Variants in PLD5 observed in about 807,000 individuals in gnomAD.
The protein encoded by PLD5 is phospholipase D family member 5.
In PLD5, 36 loss-of-function variants were observed where a neutral mutation model predicts 61.1. That is an observed-to-expected ratio of 0.59 (90% confidence interval 0.45 to 0.78). The LOEUF is 0.78. Among genes scored for constraint, PLD5 ranks in the 30% least tolerant of loss-of-function variants. The pLI, the probability that PLD5 is intolerant of heterozygous loss-of-function variation, is 0.00. For missense variants in PLD5, 515 were observed against 644.4 expected, an observed-to-expected ratio of 0.80 and a Z score of 2.17; for synonymous variants, 243 against 242.8, an observed-to-expected ratio of 1.00 and a Z score of -0.01.
chr1:242,399,891 T>G (rs987790506), intron 1 of PLD5, among the ~76,000 whole-genome samples: 1 of 152,078 alleles, frequency 6.6e-6, no homozygotes, highest in Non-Finnish European at 1.5e-5. Context: ...ATTCTAGGCC[T>G]GGCGTGGTGG....
intron 3 of PLD5, among the ~76,000 whole-genome samples, chr1:242,284,032 TTCA>T (rs902013094): frequency 6.6e-6 from 1 of 150,808 alleles, no homozygotes; most frequent in Non-Finnish European, 1.5e-5. Context: ...TTCTCCATTC[TTCA>T]TCACTTCACA....
intron 1 of PLD5, among the ~76,000 whole-genome samples, chr1:242,446,376 T>C (rs915199096): frequency 6.6e-6 from 1 of 151,960 alleles, no homozygotes; most frequent in African/African-American, 2.4e-5. Context: ...TCGAGGCCAA[T>C]CTGACCAACA....
intron 5 of PLD5, among the ~76,000 whole-genome samples, chr1:242,212,410 G>A (rs1350006475): frequency 6.6e-6 from 1 of 152,214 alleles, no homozygotes; most frequent in Non-Finnish European, 1.5e-5. Context: ...AGAGCTGCGC[G>A]ACCATGCGAG....
At chr1:242,183,786 G>T (rs183937687) in intron 5 of PLD5, among the ~76,000 whole-genome samples, 1 of 118,304 alleles carries the variant, frequency 8.5e-6, no homozygotes, top group Non-Finnish European at 1.7e-5. Context: ...CCCAGCTACT[G>T]GGGAGGTCTG....
chr1:242,249,004 C>A (rs565348970), intron 4 of PLD5, among the ~76,000 whole-genome samples: 1 of 152,046 alleles, frequency 6.6e-6, no homozygotes, highest in Non-Finnish European at 1.5e-5. Flanking sequence ...AAAAATTAGC[C>A]GGGTGTGGTG....
intron 5 of PLD5, among the ~76,000 whole-genome samples, chr1:242,139,277 C>T (rs947680862): frequency 1.3e-5 from 2 of 151,494 alleles, no homozygotes; most frequent in Non-Finnish European, 2.9e-5. Flanking sequence ...TTTTCTTTTT[C>T]AATTAGTAGC....
intron 2 of PLD5, among the ~76,000 whole-genome samples, chr1:242,334,948 T>G (rs1659414445): frequency 6.6e-6 from 1 of 152,218 alleles, no homozygotes. Context: ...TGTCTTGTTA[T>G]TTCTCCGCAA....
chr1:242,367,579 C>A (rs148193702), intron 1 of PLD5, among the ~76,000 whole-genome samples: 1 of 152,212 alleles, frequency 6.6e-6, no homozygotes, highest in Non-Finnish European at 1.5e-5. Context: ...CAGCAGCATA[C>A]TCAGTCTCTC....
At chr1:242,287,427 A>G (rs1281823987) in intron 3 of PLD5, among the ~76,000 whole-genome samples, 1 of 152,210 alleles carries the variant, frequency 6.6e-6, no homozygotes, top group Admixed American at 6.5e-5. Flanking sequence ...AGTGTAGAAC[A>G]CAGTTAGTAA....
intron 1 of PLD5, among the ~76,000 whole-genome samples, chr1:242,437,227 C>G (rs564348106): frequency 1.3e-5 from 2 of 152,132 alleles, no homozygotes; most frequent in Admixed American, 1.3e-4. Context: ...ACATTTAAAT[C>G]GAAAGTAACT....
At chr1:242,357,877 G>A (rs1485624227) in intron 1 of PLD5, among the ~76,000 whole-genome samples, 5 of 152,104 alleles carry the variant, frequency 3.3e-5, no homozygotes, top group Non-Finnish European at 7.4e-5. Flanking sequence ...TTATGCACAG[G>A]TTAGGCCTCA....
chr1:242,160,886 A>T (rs1665769125), intron 5 of PLD5, among the ~76,000 whole-genome samples: 1 of 152,006 alleles, frequency 6.6e-6, no homozygotes, highest in African/African-American at 2.4e-5. Flanking sequence ...ATCCATCTCA[A>T]AAAATAATAA....
chr1:242,186,353 T>C (rs1367418285), intron 5 of PLD5, among the ~76,000 whole-genome samples: 1 of 152,140 alleles, frequency 6.6e-6, no homozygotes, highest in Non-Finnish European at 1.5e-5. Flanking sequence ...CAGTTAATTT[T>C]TGTACTTTTA....
chr1:242,263,735 C>A (rs1331743632), intron 4 of PLD5, among the ~76,000 whole-genome samples: 1 of 152,194 alleles, frequency 6.6e-6, no homozygotes, highest in Non-Finnish European at 1.5e-5. Context: ...TCAAACACTT[C>A]TTTTTCTGTG....
chr1:242,453,257 A>C (rs1666845161), intron 1 of PLD5, among the ~76,000 whole-genome samples: 1 of 152,196 alleles, frequency 6.6e-6, no homozygotes, highest in Non-Finnish European at 1.5e-5. Flanking sequence ...ACCAGGAAGC[A>C]GGTCCTCCAG....
intron 6 of PLD5, among the ~76,000 whole-genome samples, chr1:242,122,251 C>T (rs1451355760): frequency 1.3e-5 from 2 of 152,066 alleles, no homozygotes; most frequent in Admixed American, 6.6e-5. Context: ...GGCCTGAGAC[C>T]ACTCTCTCTG....
At chr1:242,507,000 G>A (rs1428566684) in intron 1 of PLD5, among the ~76,000 whole-genome samples, 1 of 152,148 alleles carries the variant, frequency 6.6e-6, no homozygotes, top group Non-Finnish European at 1.5e-5. Context: ...CATGCCAAGG[G>A]TGAGAGGTGG....
intron 1 of PLD5, among the ~76,000 whole-genome samples, chr1:242,418,095 T>G (rs772151688): frequency 1.8e-4 from 28 of 152,178 alleles, no homozygotes; most frequent in Non-Finnish European, 3.8e-4. Context: ...GATGTTGCAT[T>G]AGAAGAGGTG....
In PLD5 at chr1:242,113,339, C is replaced by T. The variant is rs12759303; in HGVS notation, c.1070+551G>A. 7.2e-3 allele frequency among the ~76,000 whole-genome samples: 1,102 copies of T among 152,124 alleles called. 6 individuals are homozygous for T. Among genetic ancestry groups the T allele is most frequent in the Non-Finnish European group, 9.9e-3 (670 of 68,000 alleles). ...CGATCTCCTGACCTCGTGATCCGCCCGCCTCGGCCTCCCAAAGTGCTGGGA... is the reference window on the plus strand; with the variant it reads ...CGATCTCCTGACCTCGTGATCCGCCTGCCTCGGCCTCCCAAAGTGCTGGGA... On this transcript the variant is annotated intron_variant, in intron 7 of 9. Transcript: ENST00000536534.
Sources: gnomAD v4.1 joint callset for allele counts (sites outside exome capture counted in the v4.1 genomes callset) on GRCh38, gnomAD v4.1.1 for gene constraint, MANE v1.5 for transcripts, NCBI Gene and HGNC (gene_info 2026-07-23, HGNC 2026-07-21) for gene names.